Variants in ACSM3 observed in about 807,000 individuals in gnomAD.
ACSM3 encodes the protein acyl-coenzyme A synthetase ACSM3, mitochondrial.
ACSM3 carries 61 observed loss-of-function variants against 74.1 expected under a neutral mutation model. The observed-to-expected ratio is 0.82, with a 90% CI of 0.67 to 1.02. The LOEUF (loss-of-function observed/expected upper bound fraction) is 1.02. ACSM3 is among the 50% of genes least tolerant of loss of function. The pLI, the probability that ACSM3 is intolerant of heterozygous loss-of-function variation, is 0.00. For missense variants in ACSM3, 660 were observed against 697.0 expected (o/e 0.95, Z 0.60); for synonymous variants, 213 against 241.5 (o/e 0.88, Z 1.09).
chr16:20,677,656 T>C (rs1344978912), intron 1 of ACSM3, among the ~76,000 whole-genome samples: 1 of 152,172 alleles, frequency 6.6e-6, no homozygotes, highest in Non-Finnish European at 1.5e-5. Flanking sequence ...AGCAGTTTCA[T>C]ACGAAAGGGA....
chr16:20,749,064 A>AAAAAAAG (rs2079970607), intron 1 of ACSM3, among the ~76,000 whole-genome samples: 1 of 152,102 alleles, frequency 6.6e-6, no homozygotes, highest in Non-Finnish European at 1.5e-5. Context: ...CCGTCTCCAC[A>AAAAAAAG]AAAAAAGAAA....
At chr16:20,701,467 G>T (rs2079712601) in intron 1 of ACSM3, among the ~76,000 whole-genome samples, 1 of 152,120 alleles carries the variant, frequency 6.6e-6, no homozygotes, top group Admixed American at 6.5e-5. Flanking sequence ...CTTTTCAAAG[G>T]GTGGCTGTTA....
At chr16:20,786,920 G>A (rs1021590) in intron 9 of ACSM3, among the ~76,000 whole-genome samples, 103,973 of 151,964 alleles carry the variant, frequency 0.68, 36,027 homozygotes, top group Non-Finnish European at 0.73. Context: ...CCTTCTGAGC[G>A]GGTCAACTAG....
intron 1 of ACSM3, chr16:20,749,460 G>C (rs1352679967): frequency 6.6e-6 from 1 of 152,204 alleles, no homozygotes; most frequent in Non-Finnish European, 1.5e-5. Context: ...AAGGGGAGAA[G>C]AGTATTTTCA....
chr16:20,789,656 C>A, intron 9 of ACSM3: 8 of 755,832 alleles, frequency 1.1e-5, no homozygotes, highest in African/African-American at 1.8e-5. Context: ...GTTGGCAAAA[C>A]TGTATATTAT....
intron 1 of ACSM3, among the ~76,000 whole-genome samples, chr16:20,687,672 A>G (rs950301918): frequency 5.3e-5 from 8 of 152,240 alleles, no homozygotes; most frequent in Admixed American, 4.6e-4. Context: ...TTTTAAATCA[A>G]TTGTCTTAAA....
chr16:20,752,565 T>C (rs1032379356), intron 2 of ACSM3, among the ~76,000 whole-genome samples: 4 of 152,252 alleles, frequency 2.6e-5, no homozygotes, highest in Non-Finnish European at 5.9e-5. Flanking sequence ...CAATCACTTA[T>C]GTCGGAATCC....
chr16:20,686,831 T>G (rs2079562050), intron 1 of ACSM3, among the ~76,000 whole-genome samples: 2 of 151,524 alleles, frequency 1.3e-5, no homozygotes, highest in Admixed American at 1.3e-4. Context: ...AGTTTAACTA[T>G]GGAAAGTGAT....
rs540161421 is a variant in ACSM3, at chr16:20,773,007, A to G, written c.219+2754A>G. ...AAGATTTAGTGTTAGTTCTTATGGT[A>G]GAATTCAGCAGTAAAACCATCCAAT... On this transcript the variant is annotated intron_variant, in intron 2 of 13. Coordinates refer to ENST00000289416, the MANE Select transcript of ACSM3 (RefSeq NM_005622.4). 5.4e-4 allele frequency among the ~76,000 whole-genome samples: 82 copies of G among 151,812 alleles called. No individual in the cohort carries two copies. The South Asian group carries it at 0.016, about 30-fold the overall frequency.
chr16:20,745,465 C>T (rs570020324), intron 1 of ACSM3, among the ~76,000 whole-genome samples: 92 of 152,232 alleles, frequency 6.0e-4, no homozygotes, highest in African/African-American at 2.1e-3. Flanking sequence ...TGCCTGTAAT[C>T]CCAGCTATTT....
intron 1 of ACSM3, among the ~76,000 whole-genome samples, chr16:20,698,693 G>C (rs779390677): frequency 6.6e-6 from 1 of 152,080 alleles, no homozygotes; most frequent in African/African-American, 2.4e-5. Context: ...ATTTTTAATA[G>C]AGACAGGGTT....
At chr16:20,737,403 T>C in intron 1 of ACSM3, 2 of 1,010,064 alleles carry the variant, frequency 2.0e-6, no homozygotes, top group Non-Finnish European at 2.8e-6. Context: ...TCCACTCTTC[T>C]ATGTGGACTT....
chr16:20,682,042 T>C (rs2079456488), intron 1 of ACSM3: 2 of 496,102 alleles, frequency 4.0e-6, no homozygotes, highest in South Asian at 4.9e-5. Flanking sequence ...TGTAGTAAGC[T>C]TCCCCCTGCA....
chr16:20,769,943 A>C, intron 1 of ACSM3, 41 bp from the exon 2 acceptor site: 1 of 1,335,682 alleles, frequency 7.5e-7, no homozygotes, highest in Non-Finnish European at 1.1e-6. Flanking sequence ...GGCTACCTTC[A>C]GGACAGAAAC....
chr16:20,710,976 C>T (rs1319916996), intron 1 of ACSM3, among the ~76,000 whole-genome samples: 2 of 151,872 alleles, frequency 1.3e-5, no homozygotes, highest in African/African-American at 4.8e-5. Flanking sequence ...ATCCTAGCTA[C>T]TTGGGAGGCT....
At chr16:20,712,300 C>T (rs2152378749) in intron 1 of ACSM3, among the ~76,000 whole-genome samples, 1 of 152,224 alleles carries the variant, frequency 6.6e-6, no homozygotes, top group South Asian at 2.1e-4. Context: ...TGGCCCTTTA[C>T]AGAAAAAGTT....
chr16:20,737,709 T>A (rs1360682353), intron 1 of ACSM3: 1 of 1,604,696 alleles, frequency 6.2e-7, no homozygotes. Context: ...GAAACATACC[T>A]GCCAATTCTC....
chr16:20,753,020 C>A (rs900893672), intron 2 of ACSM3, among the ~76,000 whole-genome samples: 1 of 151,524 alleles, frequency 6.6e-6, no homozygotes, highest in African/African-American at 2.4e-5. Flanking sequence ...AGGACAATGC[C>A]GTATGTTCTA....
chr16:20,695,406 A>ATAGGGAAGCTCTTATAGAG (rs1470063382), intron 1 of ACSM3, among the ~76,000 whole-genome samples: 1 of 152,200 alleles, frequency 6.6e-6, no homozygotes, highest in Non-Finnish European at 1.5e-5. Flanking sequence ...AACACACTTT[A>ATAGGGAAGCTCTTATAGAG]TAGGGAAGCT....
Sources: allele counts gnomAD v4.1 joint callset (sites outside exome capture counted in the v4.1 genomes callset), GRCh38; gene constraint gnomAD v4.1.1; transcripts MANE v1.5; gene names NCBI Gene and HGNC (gene_info 2026-07-23, HGNC 2026-07-21).